The following CSTPP1 variants were observed in gnomAD, a reference collection of about 807,000 sequenced individuals.
CSTPP1 encodes UPF0705 protein C11orf49.
chr11:47,079,369 T>C, the CSTPP1 span, among the ~76,000 whole-genome samples: 4 of 152,170 alleles, frequency 2.6e-5, no homozygotes, highest in Admixed American at 2.6e-4. Context: ...AAGAAATAGA[T>C]AAAGCATTTC....
the CSTPP1 span, among the ~76,000 whole-genome samples, chr11:46,958,515 G>A: frequency 6.6e-6 from 1 of 152,044 alleles, no homozygotes; most frequent in Non-Finnish European, 1.5e-5. Flanking sequence ...TCGCTATATT[G>A]TCCAGGCTGG....
At chr11:47,080,992 G>C in the CSTPP1 span, among the ~76,000 whole-genome samples, 8 of 142,322 alleles carry the variant, frequency 5.6e-5, no homozygotes, top group Non-Finnish European at 1.2e-4. Context: ...CTGGGCAATA[G>C]AGCAAGACCC....
At chr11:47,076,170 C>T in the CSTPP1 span, among the ~76,000 whole-genome samples, 4 of 152,016 alleles carry the variant, frequency 2.6e-5, no homozygotes, top group Non-Finnish European at 5.9e-5. Context: ...AGGTGAGATG[C>T]CCTAGTGAAA....
At chr11:47,032,028 T>C in the CSTPP1 span, among the ~76,000 whole-genome samples, 1 of 152,202 alleles carries the variant, frequency 6.6e-6, no homozygotes, top group Non-Finnish European at 1.5e-5. Flanking sequence ...CTGGCTAGAC[T>C]GGCAGCTAAT....
At chr11:47,014,081 C>T in the CSTPP1 span, among the ~76,000 whole-genome samples, 1 of 152,030 alleles carries the variant, frequency 6.6e-6, no homozygotes, top group Admixed American at 6.5e-5. Flanking sequence ...TGGCAGTGCA[C>T]ACCTGTAGTC....
At chr11:47,160,821 A>G in the CSTPP1 span, 8 of 412,532 alleles carry the variant, frequency 1.9e-5, no homozygotes, top group South Asian at 2.3e-4. Context: ...CTCAAGAAGG[A>G]ACTCAACTCC....
At chr11:47,083,341 A>G in the CSTPP1 span, among the ~76,000 whole-genome samples, 1 of 152,102 alleles carries the variant, frequency 6.6e-6, no homozygotes, top group Admixed American at 6.6e-5. Flanking sequence ...CATTTTGTCT[A>G]TCCATTCATC....
the CSTPP1 span, chr11:47,163,995 G>A: frequency 1.4e-6 from 2 of 1,390,436 alleles, no homozygotes; most frequent in South Asian, 1.4e-5. Context: ...CAAGCCTACT[G>A]CCGTGACAAG....
the CSTPP1 span, among the ~76,000 whole-genome samples, chr11:47,063,832 C>G: frequency 6.6e-6 from 1 of 152,074 alleles, no homozygotes; most frequent in African/African-American, 2.4e-5. Flanking sequence ...TTACTTTGGG[C>G]ACATAACTAG....
At chr11:46,977,240 A>G in the CSTPP1 span, among the ~76,000 whole-genome samples, 1 of 152,226 alleles carries the variant, frequency 6.6e-6, no homozygotes, top group African/African-American at 2.4e-5. Context: ...CCATTCCTCA[A>G]CAAAACAGCA....
chr11:46,978,963 G>A, the CSTPP1 span, among the ~76,000 whole-genome samples: 1 of 152,128 alleles, frequency 6.6e-6, no homozygotes, highest in Admixed American at 6.5e-5. Flanking sequence ...TATTTTTAAT[G>A]TAAAATGCCA....
the CSTPP1 span, among the ~76,000 whole-genome samples, chr11:47,017,873 G>A: frequency 2.6e-4 from 40 of 151,772 alleles, no homozygotes; most frequent in Admixed American, 2.1e-3. Flanking sequence ...TCACCATGCT[G>A]GCCAGGCTGG....
the CSTPP1 span, among the ~76,000 whole-genome samples, chr11:47,056,460 G>C: frequency 6.6e-6 from 1 of 152,154 alleles, no homozygotes; most frequent in Non-Finnish European, 1.5e-5. Flanking sequence ...AGCAGATGTG[G>C]GTTTCTTTAT....
the CSTPP1 span, among the ~76,000 whole-genome samples, chr11:47,007,227 C>T: frequency 6.6e-6 from 1 of 151,164 alleles, no homozygotes; most frequent in Non-Finnish European, 1.5e-5. Context: ...GATGGGGTTT[C>T]ACCATGTTGG....
the CSTPP1 span, among the ~76,000 whole-genome samples, chr11:46,969,076 A>G: frequency 1.3e-5 from 2 of 152,226 alleles, no homozygotes; most frequent in South Asian, 4.1e-4. Context: ...CTTGTCTTAC[A>G]GAAAGACCAG....
chr11:47,042,830 A>G, the CSTPP1 span, among the ~76,000 whole-genome samples: 1 of 152,194 alleles, frequency 6.6e-6, no homozygotes, highest in Non-Finnish European at 1.5e-5. Flanking sequence ...GTCAAATACA[A>G]TGAAAAATTA....
the CSTPP1 span, among the ~76,000 whole-genome samples, chr11:46,939,082 CT>C: frequency 0.016 from 1,370 of 84,798 alleles, 3 homozygotes; most frequent in Non-Finnish European, 0.024. Flanking sequence ...TGGCTTACAT[CT>C]TTTTTTTTTT....
chr11:47,037,669 T>C, the CSTPP1 span, among the ~76,000 whole-genome samples: 66 of 118,500 alleles, frequency 5.6e-4, 2 homozygotes, highest in Middle Eastern at 4.5e-3. Context: ...CCTGAGTGGA[T>C]ACAGCACATG....
At chr11:47,066,093 GT>G in the CSTPP1 span, among the ~76,000 whole-genome samples, 73 of 39,266 alleles carry the variant, frequency 1.9e-3, no homozygotes, top group East Asian at 0.015. Context: ...TGCCTTGTGG[GT>G]TTTTTTTTTT....
Sources: gnomAD v4.1 joint callset for allele counts (sites outside exome capture counted in the v4.1 genomes callset) on GRCh38, gnomAD v4.1.1 for gene constraint, MANE v1.5 for transcripts, NCBI Gene and HGNC (gene_info 2026-07-23, HGNC 2026-07-21) for gene names.